Variants in PIGN observed in about 807,000 individuals in gnomAD.
PIGN encodes the protein phosphatidylinositol glycan anchor biosynthesis class N.
PIGN carries 117 observed loss-of-function variants against 125.4 expected under a neutral mutation model. The ratio of observed to expected loss-of-function variants is 0.93; its 90% CI spans 0.80 to 1.09. The LOEUF is 1.09. Among genes scored for constraint, PIGN ranks in the 50% least tolerant of loss-of-function variants. The pLI is 0.00. For synonymous variants in PIGN, 392 were observed against 377.8 expected (o/e 1.04, Z -0.44); for missense variants, 1,075 against 1,094.9 (o/e 0.98, Z 0.26).
At chr18:62,117,520 T>C (rs1481850924) in intron 14 of PIGN, among the ~76,000 whole-genome samples, 3 of 151,204 alleles carry the variant, frequency 2.0e-5, no homozygotes, top group Non-Finnish European at 1.5e-5. Context: ...GGGATTGAAG[T>C]GTATTACACC....
intron 22 of PIGN, among the ~76,000 whole-genome samples, chr18:62,098,516 T>G (rs1190091319): frequency 6.6e-6 from 1 of 152,204 alleles, no homozygotes; most frequent in East Asian, 1.9e-4. Context: ...CTTGTTTTAC[T>G]TTTGTCTAAA....
At chr18:62,096,013 G>T in intron 22 of PIGN, 63 bp from the exon 23 acceptor site, 2 of 1,030,356 alleles carry the variant, frequency 1.9e-6, no homozygotes, top group East Asian at 5.0e-5. Context: ...GTTAGCGTAG[G>T]GCCGGGCGTG....
At chr18:62,101,297 T>A in intron 21 of PIGN, 114 bp from the exon 22 acceptor site, 1 of 661,286 alleles carries the variant, frequency 1.5e-6, no homozygotes. Flanking sequence ...AAAATGTGTA[T>A]CTTGGAATCA....
chr18:62,160,789 G>A (rs922487679), intron 4 of PIGN, among the ~76,000 whole-genome samples: 1 of 152,162 alleles, frequency 6.6e-6, no homozygotes, highest in East Asian at 1.9e-4. Flanking sequence ...GATTACAGGC[G>A]TGAGCCACTG....
rs1398905860 is a variant in PIGN, at chr18:62,151,638, C to G, written c.549+2907G>C. Among the ~76,000 whole-genome samples, 4 of 152,334 alleles carry G rather than the reference C, an allele frequency of 2.6e-5. No homozygotes were observed. The East Asian group carries it at 7.7e-4, about 29-fold the overall frequency. The stretch of plus-strand genomic sequence containing the variant: ...ATCAAGATTAAACACTGCACTTGAC[C>G]TCGCTGCTCACTTGGGACTCTTCTA... On this transcript the variant is annotated intron_variant, in intron 7 of 30. Transcript: ENST00000640252.
rs2030381434 is a variant in PIGN at position 62,041,643 on chromosome 18, GTGTGTGTGTGTGTGTGTGTGT to G, written c.*4192_*4212del. 16 of 59,052 alleles carry G rather than the reference GTGTGTGTGTGTGTGTGTGTGT, an allele frequency of 2.7e-4. No individual in the cohort carries two copies. The highest frequency in any genetic ancestry group is 1.6e-3 in the South Asian group (2 of 1,252). 3.7% of individuals were successfully genotyped at this position (59,052 alleles called of 1,614,324 possible). A position where few individuals can be genotyped will look rare whatever the true frequency, so the allele number is the denominator to read the frequency against. On this transcript the variant is annotated 3_prime_UTR_variant, in exon 31 of 31. Coordinates refer to ENST00000640252, the MANE Select transcript of PIGN (RefSeq NM_176787.5). ...ACAGGAGCCTACCACCCCGCCGGGT[GTGTGTGTGTGTGTGTGTGTGT>G]GTGTGTGTGTGTGTGTGTGTGTGTG...
At chr18:62,146,771 A>T (rs1599629145) in intron 9 of PIGN, among the ~76,000 whole-genome samples, 200 bp downstream of exon 9, 1 of 152,180 alleles carries the variant, frequency 6.6e-6, no homozygotes, top group African/African-American at 2.4e-5. Context: ...GTAAATGAGA[A>T]TATATTCGTT....
At chr18:62,099,530 T>C (rs1023414041) in intron 22 of PIGN, among the ~76,000 whole-genome samples, 1 of 152,028 alleles carries the variant, frequency 6.6e-6, no homozygotes, top group African/African-American at 2.4e-5. Context: ...GCTGGAGGCA[T>C]CATGAAGTCA....
Position 62,150,491 on chromosome 18 carries a change from T to C in PIGN, c.550-2153A>G, listed in dbSNP as rs941894316. Reference sequence around the variant, plus strand: ...AAGACCTAATAGAGAAGAAGATGCATGAACTGAGTTTTTTAAAGTAAATAG... The same window carrying C: ...AAGACCTAATAGAGAAGAAGATGCACGAACTGAGTTTTTTAAAGTAAATAG... On this transcript the variant is annotated intron_variant, in intron 7 of 30. Transcript: ENST00000640252. 2.0e-5 allele frequency among the ~76,000 whole-genome samples: 3 copies of C among 152,144 alleles called. No individual in the cohort carries two copies. The South Asian group carries it at 6.2e-4, about 32-fold the overall frequency.
At chr18:62,034,981 C>A (rs4941100) in intron 23 of PIGN, among the ~76,000 whole-genome samples, 20 of 152,006 alleles carry the variant, frequency 1.3e-4, no homozygotes, top group African/African-American at 4.6e-4. Flanking sequence ...TGTAATAATC[C>A]CCACTTGTCA....
chr18:62,127,663 G>C (rs1457847245), intron 14 of PIGN, among the ~76,000 whole-genome samples: 1 of 145,824 alleles, frequency 6.9e-6, no homozygotes, highest in Non-Finnish European at 1.5e-5. Flanking sequence ...TTGAACAACT[G>C]CAACAGTCTG....
At chr18:62,025,872 CT>C (rs1276068941) in intron 23 of PIGN, among the ~76,000 whole-genome samples, 1 of 152,212 alleles carries the variant, frequency 6.6e-6, no homozygotes, top group Non-Finnish European at 1.5e-5. Context: ...GCCACTGCCC[CT>C]GTCTTAATTC....
At chr18:62,070,801 C>G (rs934145962) in intron 30 of PIGN, among the ~76,000 whole-genome samples, 4 of 148,060 alleles carry the variant, frequency 2.7e-5, no homozygotes, top group East Asian at 1.9e-4. Context: ...TTTTAATTAA[C>G]TAATTAATTA....
intron 23 of PIGN, among the ~76,000 whole-genome samples, chr18:62,022,158 T>C (rs1305879608): frequency 6.6e-6 from 1 of 152,150 alleles, no homozygotes; most frequent in Non-Finnish European, 1.5e-5. Context: ...GAGAGTATCC[T>C]ATAATATTCA....
chr18:62,093,805 C>A (rs566920413), intron 23 of PIGN, among the ~76,000 whole-genome samples: 3 of 152,168 alleles, frequency 2.0e-5, no homozygotes, highest in Admixed American at 2.0e-4. Context: ...TCCAGGTCAT[C>A]CAAAATGGTG....
chr18:62,137,341 A>C (rs1009269628), intron 14 of PIGN: 1 of 394,172 alleles, frequency 2.5e-6, no homozygotes, highest in Non-Finnish European at 4.5e-6. Context: ...TGGGACTCAG[A>C]CTGGCTTCTT....
chr18:62,033,410 G>T (rs2030218989), intron 23 of PIGN, among the ~76,000 whole-genome samples: 4 of 152,158 alleles, frequency 2.6e-5, no homozygotes, highest in African/African-American at 7.2e-5. Context: ...GTTTGACTTG[G>T]GTGAGTTAAC....
At chr18:62,026,291 A>G (rs1278909180) in intron 23 of PIGN, among the ~76,000 whole-genome samples, 1 of 152,198 alleles carries the variant, frequency 6.6e-6, no homozygotes, top group Non-Finnish European at 1.5e-5. Context: ...TAATGCTATT[A>G]TGTCCATTTT....
intron 23 of PIGN, among the ~76,000 whole-genome samples, chr18:62,033,293 C>T (rs1385554164): frequency 6.6e-6 from 1 of 152,172 alleles, no homozygotes; most frequent in African/African-American, 2.4e-5. Flanking sequence ...GGCTTGTCTA[C>T]ATAAAATCAC....
Sources: allele counts gnomAD v4.1 joint callset (sites outside exome capture counted in the v4.1 genomes callset), GRCh38; gene constraint gnomAD v4.1.1; transcripts MANE v1.5; gene names NCBI Gene and HGNC (gene_info 2026-07-23, HGNC 2026-07-21).